Variants in DIP2B observed in about 807,000 individuals in gnomAD.
The protein encoded by DIP2B is DIP2 acetate--CoA ligase B (putative).
DIP2B carries 76 observed loss-of-function variants against 198.0 expected under a neutral mutation model. That is an observed-to-expected ratio of 0.38 (90% confidence interval 0.32 to 0.46). The LOEUF (loss-of-function observed/expected upper bound fraction) is 0.46. Ranked by LOEUF, DIP2B falls within the 20% of genes least tolerant of loss-of-function variation. DIP2B has a pLI of 0.99. For synonymous variants in DIP2B, 701 were observed against 739.1 expected (o/e 0.95, Z 0.84); for missense variants, 1,559 against 1,978.4 (o/e 0.79, Z 4.02).
At chr12:50,524,754 G>T (rs977970868) in intron 1 of DIP2B, among the ~76,000 whole-genome samples, 1 of 152,108 alleles carries the variant, frequency 6.6e-6, no homozygotes, top group Non-Finnish European at 1.5e-5. Flanking sequence ...AAAATTTATT[G>T]TTATTTTTTT....
At chr12:50,626,192 G>T in intron 2 of DIP2B, 145 bp downstream of exon 2, 1 of 808,176 alleles carries the variant, frequency 1.2e-6, no homozygotes, top group Non-Finnish European at 2.0e-6. Context: ...AAGAAAGGAG[G>T]AAATGAATCT....
At position 50,727,762 on chromosome 12, in the gene DIP2B, G is replaced by T. The variant is rs752445183; in HGVS notation, c.3460G>T (p.Ala1154Ser). The T allele has an allele frequency of 6.2e-7, 1 of 1,614,160 alleles. No homozygotes were observed. Among genetic ancestry groups the T allele is most frequent in the Admixed American group, 1.7e-5 (1 of 60,024 alleles). The change falls in exon 29 of 38, where the codon GCA (alanine) becomes TCA (serine). Residue 1154 changes from alanine to serine, a missense_variant. Coordinates refer to ENST00000301180, the MANE Select transcript of DIP2B (RefSeq NM_173602.3). Reference sequence around the variant, plus strand: ...TAAACCGCCCACTCCTGAGATGTTGGCATATCTTGATTTTAGTGTCTCCAC... The same window carrying T: ...TAAACCGCCCACTCCTGAGATGTTGTCATATCTTGATTTTAGTGTCTCCAC... Reference protein sequence around the residue: ...LYKPPTPEMLAYLDFSVSTTG... With the variant: ...LYKPPTPEMLSYLDFSVSTTG...
At chr12:50,560,612 G>A (rs150729945) in intron 1 of DIP2B, among the ~76,000 whole-genome samples, 44 of 152,088 alleles carry the variant, frequency 2.9e-4, no homozygotes, top group African/African-American at 1.0e-3. Context: ...TCAGCCAAGC[G>A]TGGTGGTGCA....
intron 1 of DIP2B, among the ~76,000 whole-genome samples, chr12:50,594,254 C>T (rs906879377): frequency 3.9e-5 from 6 of 151,908 alleles, no homozygotes; most frequent in African/African-American, 1.5e-4. Context: ...TCCTTTGTTT[C>T]TTTTTAAATG....
At chr12:50,562,871 A>G (rs1398048110) in intron 1 of DIP2B, among the ~76,000 whole-genome samples, 3 of 152,174 alleles carry the variant, frequency 2.0e-5, no homozygotes, top group African/African-American at 7.2e-5. Context: ...ATACAATACT[A>G]TAAGGCAAAT....
intron 32 of DIP2B, 54 bp downstream of exon 32, chr12:50,732,590 C>G: frequency 6.3e-7 from 1 of 1,598,156 alleles, no homozygotes; most frequent in Admixed American, 1.7e-5. Flanking sequence ...TATGGAGTAT[C>G]CCAGAGCATG....
At chr12:50,635,555 A>C (rs1209429186) in intron 2 of DIP2B, among the ~76,000 whole-genome samples, 2 of 152,128 alleles carry the variant, frequency 1.3e-5, no homozygotes, top group Non-Finnish European at 2.9e-5. Context: ...AGTACACTGC[A>C]CTTGGCAGCT....
At chr12:50,540,547 C>CTTTTTTT (rs55910419) in intron 1 of DIP2B, among the ~76,000 whole-genome samples, 14 of 128,426 alleles carry the variant, frequency 1.1e-4, no homozygotes, top group East Asian at 2.4e-4. Flanking sequence ...TAAAAAAATT[C>CTTTTTTT]TTTTTTTTTT....
At chr12:50,600,085 A>G (rs190583293) in intron 1 of DIP2B, among the ~76,000 whole-genome samples, 2 of 152,346 alleles carry the variant, frequency 1.3e-5, no homozygotes, top group East Asian at 3.9e-4. Context: ...ATAGAATCAG[A>G]AAGAACTATT....
chr12:50,654,371 T>A (rs1593690608), intron 3 of DIP2B, among the ~76,000 whole-genome samples: 2 of 150,992 alleles, frequency 1.3e-5, no homozygotes, highest in Non-Finnish European at 1.5e-5. Context: ...TTTTTTTTTT[T>A]AAAGATAGAG....
intron 1 of DIP2B, among the ~76,000 whole-genome samples, chr12:50,526,931 C>T (rs1043491590): frequency 7.2e-5 from 11 of 152,240 alleles, no homozygotes; most frequent in African/African-American, 1.7e-4. Context: ...CCACTGCACC[C>T]GGCCTTTTTT....
intron 1 of DIP2B, among the ~76,000 whole-genome samples, chr12:50,525,264 A>G (rs1475055189): frequency 6.6e-6 from 1 of 151,620 alleles, no homozygotes; most frequent in Non-Finnish European, 1.5e-5. Context: ...AGGCTGAGGC[A>G]GGAGAATGGC....
chr12:50,575,211 GCTCT>G (rs1206303809), intron 1 of DIP2B, among the ~76,000 whole-genome samples: 2 of 151,986 alleles, frequency 1.3e-5, no homozygotes, highest in Admixed American at 1.3e-4. Context: ...TTTGTATCCA[GCTCT>G]CTATTTAGCA....
rs1362484357 is a variant in DIP2B at position 50,681,204 on chromosome 12, G to A, written c.1206+441G>A. On this transcript the variant is annotated intron_variant, in intron 9 of 37. Coordinates refer to ENST00000301180, the MANE Select transcript of DIP2B (RefSeq NM_173602.3). ...CCAGCACTTTGGGACACTGAGGCGG[G>A]AGGATCACTTGAAGCCAGGAGTTTT... 2.6e-5 allele frequency among the ~76,000 whole-genome samples: 4 copies of A among 152,148 alleles called. 1 individual carries two copies. Among genetic ancestry groups the A allele is most frequent in the Non-Finnish European group, 2.9e-5 (2 of 68,032 alleles).
intron 17 of DIP2B, among the ~76,000 whole-genome samples, chr12:50,697,399 G>A (rs891634855): frequency 2.6e-5 from 4 of 151,860 alleles, no homozygotes; most frequent in African/African-American, 7.3e-5. Context: ...TTTGCTCTTC[G>A]GAATCCATAG....
chr12:50,641,716 C>T (rs542888421), intron 3 of DIP2B, among the ~76,000 whole-genome samples: 87 of 152,266 alleles, frequency 5.7e-4, no homozygotes, highest in Admixed American at 1.4e-3. Context: ...CTTGGGACCA[C>T]CTGGCGGCCA....
At chr12:50,742,424 C>T (rs1037276827) in intron 37 of DIP2B, among the ~76,000 whole-genome samples, 29 of 35,058 alleles carry the variant, frequency 8.3e-4, no homozygotes, top group Admixed American at 2.6e-3. Flanking sequence ...AAAAAAAAAC[C>T]ACCTCTGTAG....
Position 50,505,070 on chromosome 12 carries a change from T to A in DIP2B, c.-71T>A. ...CGGAGCCGGATCCTGTAGCCGGGTG[T>A]GGGCCCGTGTCTGTCCGTCCCTCCT... On this transcript the variant is annotated 5_prime_UTR_variant, in exon 1 of 38. Coordinates refer to ENST00000301180, the MANE Select transcript of DIP2B (RefSeq NM_173602.3). 1 of 1,420,864 alleles carries A rather than the reference T, an allele frequency of 7.0e-7. No individual in the cohort carries two copies. The highest frequency in any genetic ancestry group is 9.5e-7 in the Non-Finnish European group (1 of 1,051,782). The allele number at this position is 1,420,864 out of a possible 1,614,324, so 88.0% of individuals were successfully genotyped here.
intron 22 of DIP2B, among the ~76,000 whole-genome samples, chr12:50,713,806 T>C (rs367991401): frequency 1.8e-5 from 2 of 110,844 alleles, no homozygotes; most frequent in Non-Finnish European, 4.2e-5. Flanking sequence ...GGGCATGGTA[T>C]GACAGTAATC....
Sources: gnomAD v4.1 joint callset for allele counts (sites outside exome capture counted in the v4.1 genomes callset) on GRCh38, gnomAD v4.1.1 for gene constraint, MANE v1.5 for transcripts, NCBI Gene and HGNC (gene_info 2026-07-23, HGNC 2026-07-21) for gene names.